APLP2: variants seen among roughly 807,000 people sequenced by gnomAD.
APLP2 encodes amyloid beta precursor like protein 2.
Under a neutral mutation model 89.9 loss-of-function variants are expected in APLP2, and 53 were observed. The observed-to-expected ratio is 0.59, with a 90% CI of 0.47 to 0.74. The LOEUF is 0.74. APLP2 is among the 30% of genes least tolerant of loss of function. The pLI is 0.00. For synonymous variants in APLP2, 372 were observed against 348.6 expected (o/e 1.07, Z -0.75); for missense variants, 973 against 975.9 (o/e 1.00, Z 0.04).
At chr11:130,083,333 C>T (rs1943564426) in intron 1 of APLP2, among the ~76,000 whole-genome samples, 1 of 151,838 alleles carries the variant, frequency 6.6e-6, no homozygotes. Context: ...CCAAGCCCTG[C>T]CTTAAAACAT....
rs766735781 is a variant in APLP2 at position 130,135,638 on chromosome 11, G to A, written c.1760G>A (p.Arg587Gln). The change falls in exon 13 of 17, where the codon CGG becomes CAG. Residue 587 changes from arginine to glutamine, a missense_variant. By Grantham distance (43) the Arg-to-Gln change is conservative. Coordinates refer to ENST00000338167, the MANE Select transcript of APLP2 (RefSeq NM_001142276.2). ...ASISETPVDV[R>Q]VSSEESEEIP... ...ATCTCAGAGACCCCTGTGGACGTCC[G>A]GGTGAGCTCTGAGGAGAGTGAGGAG... is the stretch of plus-strand genomic sequence containing the variant. 7 of 1,614,020 alleles carry A rather than the reference G, an allele frequency of 4.3e-6. No homozygotes were observed. Among genetic ancestry groups the A allele is most frequent in the Non-Finnish European group, 4.2e-6 (5 of 1,180,020 alleles).
chr11:130,103,006 T>A (rs1947148058), intron 1 of APLP2, among the ~76,000 whole-genome samples: 1 of 152,206 alleles, frequency 6.6e-6, no homozygotes, highest in Non-Finnish European at 1.5e-5. Context: ...GGGGCATTAA[T>A]TTTTTTGGTA....
chr11:130,081,554 G>A (rs1444997145), intron 1 of APLP2, among the ~76,000 whole-genome samples: 1 of 152,126 alleles, frequency 6.6e-6, no homozygotes, highest in Non-Finnish European at 1.5e-5. Context: ...TTATATAAAT[G>A]CTCAGTGGGT....
rs1402151574 is a variant in APLP2 at position 130,079,013 on chromosome 11, G to A, written c.105+8931G>A. 2.6e-5 allele frequency among the ~76,000 whole-genome samples: 4 copies of A among 152,050 alleles called. No individual in the cohort carries two copies. The East Asian group carries it at 7.7e-4, about 29-fold the overall frequency. ...ATTTTGCTTTTGCTTTGGGTCTATA[G>A]TTTAATTGGGGGAAAATTGACATTT... On this transcript the variant is annotated intron_variant, in intron 1 of 16. Coordinates refer to ENST00000338167, the MANE Select transcript of APLP2 (RefSeq NM_001142276.2).
rs918034567 is a variant in APLP2 at position 130,121,795 on chromosome 11, A to T, written c.698A>T (p.Tyr233Phe). The T allele has an allele frequency of 3.7e-6, 6 of 1,612,024 alleles. No individual in the cohort carries two copies. Among genetic ancestry groups the T allele is most frequent in the Middle Eastern group, 3.4e-4 (2 of 5,896 alleles). The change falls in exon 5 of 17, where the codon TAT becomes TTT. Residue 233 changes from tyrosine (Y) to phenylalanine (F), a missense_variant. Tyr to Phe is a conservative substitution (Grantham distance 22). Transcript: ENST00000338167. ...GAAGAGGAAGATGAAGAGGAAGACT[A>T]TGATGTTTATAAAAGGTAACTCTTC... ...EEEEEDEEED[Y>F]DVYKSEFPTE... is the part of the protein sequence containing the mutation.
chr11:130,083,021 C>CTTTTTTTTTTTTTTTTTTTT (rs1469566240), intron 1 of APLP2, among the ~76,000 whole-genome samples: 1 of 79,980 alleles, frequency 1.3e-5, no homozygotes, highest in African/African-American at 5.1e-5. Flanking sequence ...TGAAACTTTT[C>CTTTTTTTTTTTTTTTTTTTT]TTTTCTTTTT....
At chr11:130,135,070 A>G (rs141789941) in intron 12 of APLP2, among the ~76,000 whole-genome samples, 122 of 151,838 alleles carry the variant, frequency 8.0e-4, no homozygotes, top group Non-Finnish European at 1.4e-3. Context: ...GTCAGAGGGT[A>G]TGAAGTGGTA....
chr11:130,087,232 A>G (rs572378441), intron 1 of APLP2, among the ~76,000 whole-genome samples: 36 of 152,348 alleles, frequency 2.4e-4, no homozygotes, highest in African/African-American at 8.7e-4. Flanking sequence ...TGTGATACCT[A>G]GTACGTAACC....
intron 1 of APLP2, 27 bp from the exon 2 acceptor site, chr11:130,109,402 A>C: frequency 6.3e-7 from 1 of 1,599,170 alleles, no homozygotes; most frequent in Non-Finnish European, 8.5e-7. Context: ...TCTTGGAGTA[A>C]ACCTGCAATT....
At chr11:130,132,888 C>T (rs1206354167) in intron 11 of APLP2, among the ~76,000 whole-genome samples, 1 of 152,026 alleles carries the variant, frequency 6.6e-6, no homozygotes. Context: ...TTTTTTAATC[C>T]CATCTAATCT....
chr11:130,088,648 A>G (rs1033126181), intron 1 of APLP2, among the ~76,000 whole-genome samples: 1 of 151,974 alleles, frequency 6.6e-6, no homozygotes, highest in African/African-American at 2.4e-5. Context: ...AATGACCGAG[A>G]TACTTAAGTT....
chr11:130,070,836 G>C lies in APLP2; in HGVS notation c.105+754G>C, dbSNP rs550782503. ...CTGTTGGAAAAATCGTCCTCTTCGGGTGTCAGAATTCCATCAGTGGTTGTG... is the reference window on the plus strand; with the variant it reads ...CTGTTGGAAAAATCGTCCTCTTCGGCTGTCAGAATTCCATCAGTGGTTGTG... On this transcript the variant is annotated intron_variant, in intron 1 of 16. Transcript: ENST00000338167. 3 of 1,158,746 alleles carry C rather than the reference G, an allele frequency of 2.6e-6. No homozygotes were observed. The African/African-American group carries it at 4.8e-5, about 19-fold the overall frequency. 71.8% of individuals were successfully genotyped at this position (1,158,746 alleles called of 1,614,324 possible).
At chr11:130,078,178 T>C (rs1942465862) in intron 1 of APLP2, among the ~76,000 whole-genome samples, 1 of 151,936 alleles carries the variant, frequency 6.6e-6, no homozygotes, top group African/African-American at 2.4e-5. Flanking sequence ...TTTTTTTTTT[T>C]TTAGCTTCAT....
chr11:130,087,025 A>T (rs1455095997), intron 1 of APLP2, among the ~76,000 whole-genome samples: 1 of 152,230 alleles, frequency 6.6e-6, no homozygotes, highest in African/African-American at 2.4e-5. Context: ...TATTGCATTG[A>T]ATCTGTAGAT....
intron 1 of APLP2, among the ~76,000 whole-genome samples, chr11:130,071,315 C>T (rs1199785773): frequency 6.6e-6 from 1 of 152,146 alleles, no homozygotes; most frequent in Non-Finnish European, 1.5e-5. Context: ...GGCTTAACAC[C>T]TTTGTATTCA....
At chr11:130,111,694 C>G (rs1948591857) in intron 3 of APLP2, among the ~76,000 whole-genome samples, 1 of 152,106 alleles carries the variant, frequency 6.6e-6, no homozygotes, top group African/African-American at 2.4e-5. Flanking sequence ...GTGTGCTTAC[C>G]ACCGTTTACT....
At chr11:130,112,173 G>A (rs373482319) in intron 3 of APLP2, among the ~76,000 whole-genome samples, 12 of 152,166 alleles carry the variant, frequency 7.9e-5, no homozygotes, top group African/African-American at 2.4e-4. Flanking sequence ...AGGGCATTCC[G>A]GGATGTTTCT....
rs1395943580 is a variant in APLP2, at chr11:130,144,639, AT to A, written c.*1195del. The A allele has an allele frequency of 6.6e-6, 1 of 151,802 alleles. No homozygotes were observed. Among genetic ancestry groups the A allele is most frequent in the Non-Finnish European group, 1.5e-5 (1 of 67,858 alleles). The allele number at this position is 151,802 out of a possible 1,614,324, so 9.4% of individuals were successfully genotyped here. A position where few individuals can be genotyped will look rare whatever the true frequency, so the allele number is the denominator to read the frequency against. On this transcript the variant is annotated 3_prime_UTR_variant, in exon 17 of 17. Coordinates refer to ENST00000338167, the MANE Select transcript of APLP2 (RefSeq NM_001142276.2). ...TTCTGGTAACCTGTGGTGTATTTTT[AT>A]TTTCCTGTGACTGTTTTTGTTTTGT...
At chr11:130,122,679 T>A (rs150086828) in intron 6 of APLP2, among the ~76,000 whole-genome samples, 166 bp downstream of exon 6, 15 of 152,302 alleles carry the variant, frequency 9.8e-5, no homozygotes, top group African/African-American at 3.1e-4. Flanking sequence ...GGTGCCGTCT[T>A]AACAAAGTGG....
Sources: gnomAD v4.1 joint callset for allele counts (sites outside exome capture counted in the v4.1 genomes callset) on GRCh38, gnomAD v4.1.1 for gene constraint, MANE v1.5 for transcripts, NCBI Gene and HGNC (gene_info 2026-07-23, HGNC 2026-07-21) for gene names.